Variants in NPHP4 observed in about 807,000 individuals in gnomAD.
The protein encoded by NPHP4 is nephrocystin 4.
NPHP4 carries 151 observed loss-of-function variants against 155.8 expected under a neutral mutation model. The ratio of observed to expected loss-of-function variants is 0.97; its 90% CI spans 0.85 to 1.11. The LOEUF is 1.11. NPHP4 is among the 50% of genes least tolerant of loss of function. The pLI is 0.00. For synonymous variants in NPHP4, 845 were observed against 816.8 expected (o/e 1.03, Z -0.59); for missense variants, 1,956 against 1,925.7 (o/e 1.02, Z -0.29).
intron 26 of NPHP4, 34 bp from the exon 27 acceptor site, chr1:5,865,307 C>A: frequency 6.7e-7 from 1 of 1,494,240 alleles, no homozygotes; most frequent in Non-Finnish European, 9.0e-7. Context: ...GCACTTGTCC[C>A]GGAGGACTCA....
intron 9 of NPHP4, among the ~76,000 whole-genome samples, chr1:5,937,556 G>C (rs1406929952): frequency 1.3e-5 from 2 of 151,836 alleles, no homozygotes; most frequent in African/African-American, 4.8e-5. Flanking sequence ...AGTTCTGCTG[G>C]GACCTCCAGC....
chr1:5,926,116 T>C (rs957064715), intron 11 of NPHP4, among the ~76,000 whole-genome samples: 1 of 152,182 alleles, frequency 6.6e-6, no homozygotes, highest in Non-Finnish European at 1.5e-5. Context: ...TACATTTCAG[T>C]GCCGTTTATA....
At chr1:5,933,115 C>G in intron 10 of NPHP4, 32 bp downstream of exon 10, 1 of 1,452,464 alleles carries the variant, frequency 6.9e-7, no homozygotes, top group Non-Finnish European at 9.3e-7. Flanking sequence ...AGAAGCTCAC[C>G]GGAGATGCAT....
At chr1:5,942,122 G>A (rs1308560725) in intron 9 of NPHP4, among the ~76,000 whole-genome samples, 1 of 152,146 alleles carries the variant, frequency 6.6e-6, no homozygotes, top group African/African-American at 2.4e-5. Flanking sequence ...CTGGATGTGG[G>A]ACCCAAGGAC....
At chr1:5,891,117 T>C (rs1171574302) in intron 16 of NPHP4, 89 bp from the exon 17 acceptor site, 4 of 906,918 alleles carry the variant, frequency 4.4e-6, no homozygotes, top group Admixed American at 3.3e-5. Flanking sequence ...TGGTCATGAT[T>C]ACTAATTTCT....
chr1:5,916,399 A>C (rs1320074120), intron 11 of NPHP4, among the ~76,000 whole-genome samples: 2 of 152,230 alleles, frequency 1.3e-5, no homozygotes, highest in African/African-American at 2.4e-5. Context: ...GGTATTTAAA[A>C]GTCTCTTACA....
At chr1:5,874,193 C>T (rs1289787528) in intron 22 of NPHP4, among the ~76,000 whole-genome samples, 1 of 139,736 alleles carries the variant, frequency 7.2e-6, no homozygotes, top group Non-Finnish European at 1.6e-5. Flanking sequence ...CCATTAGATT[C>T]ACTGGGCTTT....
chr1:5,931,349 A>G (rs1169558709), intron 10 of NPHP4, among the ~76,000 whole-genome samples: 1 of 152,046 alleles, frequency 6.6e-6, no homozygotes, highest in Non-Finnish European at 1.5e-5. Context: ...AGTGCATTTA[A>G]AAGTTGTATT....
rs752975731 is a variant in NPHP4, at chr1:5,905,155, G to A, written c.1955+137C>T. On this transcript the variant is annotated intron_variant, in intron 15 of 29. Transcript: ENST00000378156. This position sits in a 1 kb window ranked among gnomAD's most constrained non-coding sequence, Gnocchi z 4.0. Reference sequence around the variant, plus strand: ...TGTGGGTGGGTCCTAGCCAAGAGAAGATAAAAACAGATGGCACTCCCGAAT... The same window carrying A: ...TGTGGGTGGGTCCTAGCCAAGAGAAAATAAAAACAGATGGCACTCCCGAAT... The A allele has an allele frequency of 1.9e-5, 14 of 734,494 alleles. No individual in the cohort carries two copies. The highest frequency in any genetic ancestry group is 3.1e-5 in the Non-Finnish European group (13 of 419,110). The allele number at this position is 734,494 out of a possible 1,614,324, so 45.5% of individuals were successfully genotyped here. A position where few individuals can be genotyped will look rare whatever the true frequency, so the allele number is the denominator to read the frequency against.
chr1:5,988,786 C>T (rs542244390), intron 1 of NPHP4, among the ~76,000 whole-genome samples: 13 of 150,552 alleles, frequency 8.6e-5, no homozygotes, highest in East Asian at 3.9e-4. Flanking sequence ...TGCACCCAGA[C>T]GCTGCATCCT....
chr1:5,948,597 C>T (rs1647285152), intron 7 of NPHP4, among the ~76,000 whole-genome samples: 1 of 152,174 alleles, frequency 6.6e-6, no homozygotes, highest in Non-Finnish European at 1.5e-5. Context: ...TTGGCTCCTT[C>T]AAGACTCCTC....
chr1:5,868,757 A>C (rs1435033296), intron 23 of NPHP4, among the ~76,000 whole-genome samples: 1 of 101,190 alleles, frequency 9.9e-6, no homozygotes, highest in Admixed American at 8.6e-5. Flanking sequence ...ACATGTACAC[A>C]TATGCATGCA....
chr1:5,940,630 A>G (rs1204784210), intron 9 of NPHP4, among the ~76,000 whole-genome samples: 1 of 152,230 alleles, frequency 6.6e-6, no homozygotes, highest in Non-Finnish European at 1.5e-5. Flanking sequence ...GACTGTCTAC[A>G]AAAACAAAAT....
At chr1:5,980,280 C>A (rs1654452728) in intron 2 of NPHP4, among the ~76,000 whole-genome samples, 1 of 152,230 alleles carries the variant, frequency 6.6e-6, no homozygotes, top group Non-Finnish European at 1.5e-5. Context: ...CAGACAGGGT[C>A]TCAGCTGAGT....
At position 5,867,393 on chromosome 1, in the gene NPHP4, A is replaced by T. The variant is rs981895094; in HGVS notation, c.3473-278T>A. The stretch of plus-strand genomic sequence containing the variant: ...CAAAAAAGAAAACACAGCTCCCTGG[A>T]GCAGGGAAGCCTGCACTCTGCTGTA... On this transcript the variant is annotated intron_variant, in intron 24 of 29. Transcript: ENST00000378156. The surrounding 1 kb of genome is among the most constrained non-coding windows in gnomAD (Gnocchi z 4.1). 1 of 543,900 alleles carries T rather than the reference A, an allele frequency of 1.8e-6. No homozygotes were observed. The highest frequency in any genetic ancestry group is 1.9e-5 in the African/African-American group (1 of 53,156). The allele number at this position is 543,900 out of a possible 1,614,324, so 33.7% of individuals were successfully genotyped here. A position where few individuals can be genotyped will look rare whatever the true frequency, so the allele number is the denominator to read the frequency against.
intron 11 of NPHP4, among the ~76,000 whole-genome samples, chr1:5,916,305 T>A (rs761605459): frequency 6.6e-6 from 1 of 152,202 alleles, no homozygotes; most frequent in Non-Finnish European, 1.5e-5. Flanking sequence ...GACAGCCGCA[T>A]ATCATTAAGA....
intron 3 of NPHP4, among the ~76,000 whole-genome samples, chr1:5,975,985 T>C (rs1653494135): frequency 6.6e-6 from 1 of 152,114 alleles, no homozygotes; most frequent in African/African-American, 2.4e-5. Context: ...AAGGGAGAGC[T>C]GAAGTCAGAG....
chr1:5,940,275 T>C (rs1483578999), intron 9 of NPHP4, among the ~76,000 whole-genome samples: 2 of 152,068 alleles, frequency 1.3e-5, no homozygotes, highest in East Asian at 3.9e-4. Context: ...CCCCTTTCTC[T>C]TGCTCACCCT....
At chr1:5,970,586 C>G in intron 3 of NPHP4, among the ~76,000 whole-genome samples, 1 of 152,044 alleles carries the variant, frequency 6.6e-6, no homozygotes, top group Middle Eastern at 3.2e-3. Flanking sequence ...ACAGGGAATG[C>G]GCATCCCCAG....
Sources: gnomAD v4.1 joint callset for allele counts (sites outside exome capture counted in the v4.1 genomes callset) on GRCh38, gnomAD v4.1.1 for gene constraint, Gnocchi (gnomAD v3.1) non-coding constraint, MANE v1.5 for transcripts, NCBI Gene and HGNC (gene_info 2026-07-23, HGNC 2026-07-21) for gene names.